The following IFTAP variants were observed in gnomAD, a reference collection of about 807,000 sequenced individuals.
IFTAP encodes the protein intraflagellar transport-associated protein.
A neutral mutation model predicts 19.4 loss-of-function variants in IFTAP; 19 were observed. That is an observed-to-expected ratio of 0.98 (90% CI 0.68 to 1.44). The LOEUF is 1.44. IFTAP is among the 40% of genes most tolerant of loss of function. IFTAP has a pLI of 0.00. For synonymous variants in IFTAP, 85 were observed against 83.5 expected (o/e 1.02, Z -0.10); for missense variants, 240 against 253.6 (o/e 0.95, Z 0.36).
chr11:36,645,547 C>G, intron 4 of IFTAP, among the ~76,000 whole-genome samples: 1 of 152,070 alleles, frequency 6.6e-6, no homozygotes, highest in East Asian at 1.9e-4. Flanking sequence ...AATTTCATTT[C>G]CTACCATGAG....
intron 1 of IFTAP, among the ~76,000 whole-genome samples, chr11:36,608,913 C>A (rs1851784082): frequency 1.3e-5 from 2 of 151,302 alleles, no homozygotes; most frequent in Admixed American, 1.3e-4. Flanking sequence ...TAGTGTTTTG[C>A]CAGCTTCTAG....
chr11:36,642,151 G>A (rs1048008915), intron 4 of IFTAP, among the ~76,000 whole-genome samples: 9 of 151,898 alleles, frequency 5.9e-5, no homozygotes, highest in Non-Finnish European at 1.0e-4. Flanking sequence ...TCAAATAGAC[G>A]CAATAAAAAA....
chr11:36,654,381 GCA>G (rs1428040861), intron 5 of IFTAP, among the ~76,000 whole-genome samples: 1 of 151,754 alleles, frequency 6.6e-6, no homozygotes, highest in African/African-American at 2.4e-5. Context: ...GGGTACATGT[GCA>G]CAATGTGCAG....
chr11:36,628,262 C>T (rs757357769), intron 2 of IFTAP, among the ~76,000 whole-genome samples: 7 of 151,076 alleles, frequency 4.6e-5, no homozygotes, highest in Non-Finnish European at 8.8e-5. Flanking sequence ...GAATAATCGG[C>T]GATTCTTACT....
chr11:36,635,028 T>G (rs1302511180), intron 3 of IFTAP, among the ~76,000 whole-genome samples: 2 of 152,160 alleles, frequency 1.3e-5, no homozygotes, highest in African/African-American at 2.4e-5. Flanking sequence ...AAGATAAATT[T>G]TTGCCTTCAC....
At chr11:36,605,702 C>T (rs1213849117) in intron 1 of IFTAP, among the ~76,000 whole-genome samples, 8 of 152,202 alleles carry the variant, frequency 5.3e-5, no homozygotes, top group African/African-American at 1.7e-4. Flanking sequence ...GCAGTGCATG[C>T]TCCCTGTATT....
intron 4 of IFTAP, among the ~76,000 whole-genome samples, chr11:36,643,758 T>C (rs1232411072): frequency 6.6e-6 from 1 of 152,222 alleles, no homozygotes; most frequent in African/African-American, 2.4e-5. Flanking sequence ...AAAGATTCCC[T>C]ATTTAATAAA....
intron 1 of IFTAP, among the ~76,000 whole-genome samples, chr11:36,604,628 C>T (rs1320524314): frequency 6.6e-6 from 1 of 152,054 alleles, no homozygotes; most frequent in Non-Finnish European, 1.5e-5. Flanking sequence ...TAAATGGAGG[C>T]ATGAATATAC....
At chr11:36,598,482 A>G (rs1421120295) in intron 1 of IFTAP, among the ~76,000 whole-genome samples, 1 of 152,246 alleles carries the variant, frequency 6.6e-6, no homozygotes, top group East Asian at 1.9e-4. Flanking sequence ...GAAGAAATAC[A>G]TATAGTTTCT....
intron 2 of IFTAP, among the ~76,000 whole-genome samples, chr11:36,612,732 A>G (rs1277791039): frequency 1.3e-5 from 2 of 151,926 alleles, no homozygotes; most frequent in Non-Finnish European, 1.5e-5. Flanking sequence ...TGTTCTATTT[A>G]TTTTTATAAT....
intron 5 of IFTAP, among the ~76,000 whole-genome samples, chr11:36,656,150 T>C (rs1189324312): frequency 6.6e-6 from 1 of 152,182 alleles, no homozygotes; most frequent in Non-Finnish European, 1.5e-5. Context: ...GGAGCCCTGA[T>C]CAGAGTTTAG....
chr11:36,623,186 GT>G (rs1852374028), intron 2 of IFTAP, among the ~76,000 whole-genome samples: 1 of 152,104 alleles, frequency 6.6e-6, no homozygotes, highest in African/African-American at 2.4e-5. Flanking sequence ...AGTTCTACTA[GT>G]GTGCAGATCA....
intron 1 of IFTAP, among the ~76,000 whole-genome samples, chr11:36,595,982 ATTC>A (rs755016460): frequency 9.9e-5 from 15 of 152,218 alleles, no homozygotes; most frequent in South Asian, 8.3e-4. Context: ...TTAATATTTT[ATTC>A]TTCTTGTCAC....
At chr11:36,649,777 T>C (rs1045617191) in intron 5 of IFTAP, among the ~76,000 whole-genome samples, 20 of 152,172 alleles carry the variant, frequency 1.3e-4, no homozygotes, top group Middle Eastern at 3.2e-3. Flanking sequence ...GATGAACAAC[T>C]TCTGCTGTTT....
At chr11:36,596,920 A>C (rs1274829729) in intron 1 of IFTAP, among the ~76,000 whole-genome samples, 1 of 152,212 alleles carries the variant, frequency 6.6e-6, no homozygotes, top group Non-Finnish European at 1.5e-5. Flanking sequence ...AGGATTGTCC[A>C]TTTTTGTAGC....
intron 4 of IFTAP, among the ~76,000 whole-genome samples, chr11:36,646,808 A>G (rs907709196): frequency 6.6e-6 from 1 of 152,152 alleles, no homozygotes; most frequent in African/African-American, 2.4e-5. Flanking sequence ...GCTAAAGCAC[A>G]TAAAATGATG....
intron 4 of IFTAP, among the ~76,000 whole-genome samples, chr11:36,643,132 C>T (rs1853305875): frequency 6.6e-6 from 1 of 152,148 alleles, no homozygotes; most frequent in African/African-American, 2.4e-5. Flanking sequence ...CCAAAATCTC[C>T]TTAAGCTGAT....
Position 36,619,769 on chromosome 11 carries a change from A to G in IFTAP, c.136+9530A>G, listed in dbSNP as rs114351656. Among the ~76,000 whole-genome samples the G allele has an allele frequency of 1.5e-3, 233 of 152,116 alleles. 1 individual carries two copies. The highest frequency in any genetic ancestry group is 5.2e-3 in the African/African-American group (218 of 41,540). ...GTTGTTATCAGTCATTTAATTCCCT[A>G]CTGAATATTGAGTGGTGTTTTTAGT... On this transcript the variant is annotated intron_variant, in intron 2 of 5. Coordinates refer to ENST00000334307, the MANE Select transcript of IFTAP (RefSeq NM_138787.4).
chr11:36,605,853 G>T (rs2201846), intron 1 of IFTAP, among the ~76,000 whole-genome samples: 2 of 152,012 alleles, frequency 1.3e-5, no homozygotes, highest in South Asian at 2.1e-4. Context: ...GCAAAACAAA[G>T]AATTCTGTTA....
Sources: allele counts gnomAD v4.1 joint callset (sites outside exome capture counted in the v4.1 genomes callset), GRCh38; gene constraint gnomAD v4.1.1; transcripts MANE v1.5; gene names NCBI Gene and HGNC (gene_info 2026-07-23, HGNC 2026-07-21).